The following MYRIP variants were observed in gnomAD, a reference collection of about 807,000 sequenced individuals.
MYRIP encodes myosin VIIA and Rab interacting protein.
Under a neutral mutation model 98.0 loss-of-function variants are expected in MYRIP, and 49 were observed. The observed-to-expected ratio is 0.50, with a 90% confidence interval of 0.40 to 0.63. MYRIP has a LOEUF of 0.63. MYRIP is among the 30% of genes least tolerant of loss of function. MYRIP has a pLI of 0.00. For synonymous variants in MYRIP, 404 were observed against 409.5 expected, an observed-to-expected ratio of 0.99 and a Z score of 0.16; for missense variants, 1,004 against 1,058.2, an observed-to-expected ratio of 0.95 and a Z score of 0.71.
At chr3:39,954,956 A>G (rs182556074) in intron 2 of MYRIP, among the ~76,000 whole-genome samples, 106 of 152,278 alleles carry the variant, frequency 7.0e-4, no homozygotes, top group Admixed American at 1.4e-3. Context: ...AAGTGAAGCA[A>G]GAAGAGAAGT....
chr3:39,959,604 A>G (rs1945268805), intron 2 of MYRIP, among the ~76,000 whole-genome samples: 1 of 151,982 alleles, frequency 6.6e-6, no homozygotes, highest in Non-Finnish European at 1.5e-5. Flanking sequence ...GCACACCAGC[A>G]TGGCACATGT....
At chr3:40,056,480 A>G (rs9870930) in intron 3 of MYRIP, among the ~76,000 whole-genome samples, 44,040 of 151,784 alleles carry the variant, frequency 0.29, 6,399 homozygotes, top group East Asian at 0.36. Context: ...CAGTTTCTCG[A>G]GGCTTATGGT....
intron 3 of MYRIP, chr3:40,071,300 T>C (rs1361282854): frequency 1.6e-6 from 1 of 616,780 alleles, no homozygotes; most frequent in African/African-American, 2.0e-5. Flanking sequence ...ATTCAGACAA[T>C]TATATGGGGT....
chr3:40,028,117 C>T (rs1947176522), intron 2 of MYRIP, among the ~76,000 whole-genome samples: 1 of 152,088 alleles, frequency 6.6e-6, no homozygotes, highest in African/African-American at 2.4e-5. Flanking sequence ...ATCATGACAC[C>T]CAACTCCATT....
intron 3 of MYRIP, among the ~76,000 whole-genome samples, chr3:40,077,105 G>T (rs943737394): frequency 2.0e-5 from 3 of 152,020 alleles, no homozygotes; most frequent in Admixed American, 2.0e-4. Flanking sequence ...GGGTGTGTTC[G>T]GAGTTTCTTT....
intron 1 of MYRIP, among the ~76,000 whole-genome samples, chr3:39,827,167 C>T (rs535714341): frequency 7.2e-5 from 11 of 152,222 alleles, no homozygotes; most frequent in East Asian, 1.9e-4. Context: ...GGCTGGAGTG[C>T]GGTGGCATGA....
chr3:39,932,543 G>T (rs1944564920), intron 2 of MYRIP, among the ~76,000 whole-genome samples: 1 of 151,854 alleles, frequency 6.6e-6, no homozygotes, highest in African/African-American at 2.4e-5. Flanking sequence ...TCGGTTTTTT[G>T]GGGGTTTTTT....
At chr3:39,843,792 T>C (rs1231607352) in intron 1 of MYRIP, among the ~76,000 whole-genome samples, 1 of 152,168 alleles carries the variant, frequency 6.6e-6, no homozygotes, top group East Asian at 1.9e-4. Flanking sequence ...TCTGCCACCA[T>C]GTGATTGACT....
chr3:40,089,467 T>G (rs1239519606), intron 3 of MYRIP, among the ~76,000 whole-genome samples: 1 of 152,188 alleles, frequency 6.6e-6, no homozygotes, highest in African/African-American at 2.4e-5. Context: ...TCTTTAAGCT[T>G]GGCGGCTTTC....
At chr3:40,123,818 T>G (rs772971819) in intron 3 of MYRIP, among the ~76,000 whole-genome samples, 1 of 152,172 alleles carries the variant, frequency 6.6e-6, no homozygotes, top group African/African-American at 2.4e-5. Context: ...TTGAATGGCA[T>G]CCTGTTTCTA....
At chr3:40,020,731 C>T (rs188220675) in intron 2 of MYRIP, among the ~76,000 whole-genome samples, 16 of 152,332 alleles carry the variant, frequency 1.1e-4, no homozygotes, top group Admixed American at 8.5e-4. Flanking sequence ...CATATAATCA[C>T]TTTTCTTGGC....
At chr3:40,081,663 C>T (rs1335855844) in intron 3 of MYRIP, among the ~76,000 whole-genome samples, 2 of 152,156 alleles carry the variant, frequency 1.3e-5, no homozygotes, top group Non-Finnish European at 2.9e-5. Context: ...TATTCATTAC[C>T]TCACATACCA....
intron 3 of MYRIP, among the ~76,000 whole-genome samples, chr3:40,096,886 T>G (rs1485101418): frequency 6.6e-6 from 1 of 152,226 alleles, no homozygotes; most frequent in Admixed American, 6.5e-5. Flanking sequence ...AAGCTTGTGC[T>G]GCTTGGCAAA....
chr3:40,078,080 G>T (rs533479335), intron 3 of MYRIP, among the ~76,000 whole-genome samples: 1 of 152,374 alleles, frequency 6.6e-6, no homozygotes, highest in African/African-American at 2.4e-5. Flanking sequence ...CCGCGGGAAG[G>T]CAGCTAAGGC....
intron 16 of MYRIP, among the ~76,000 whole-genome samples, chr3:40,255,130 G>T (rs1953532342): frequency 6.6e-6 from 1 of 152,142 alleles, no homozygotes; most frequent in African/African-American, 2.4e-5. Flanking sequence ...CCTTGCTTCT[G>T]ACCATTAGTT....
intron 1 of MYRIP, among the ~76,000 whole-genome samples, chr3:39,881,592 C>T (rs1025788499): frequency 6.6e-6 from 1 of 152,134 alleles, no homozygotes; most frequent in African/African-American, 2.4e-5. Flanking sequence ...AATGAATCTT[C>T]CTATTTTTAG....
chr3:40,234,434 G>A (rs112642245), intron 12 of MYRIP, among the ~76,000 whole-genome samples: 14 of 152,312 alleles, frequency 9.2e-5, no homozygotes, highest in African/African-American at 2.4e-4. Context: ...GAACTGGCCC[G>A]TCCTACAACC....
intron 8 of MYRIP, among the ~76,000 whole-genome samples, chr3:40,174,886 G>C (rs149990673): frequency 6.6e-6 from 1 of 152,332 alleles, no homozygotes; most frequent in Non-Finnish European, 1.5e-5. Context: ...GCTCACGCCT[G>C]TAATCCCAGT....
chr3:39,895,280 G>A lies in MYRIP; in HGVS notation c.-30-5507G>A, dbSNP rs370034134. ...CGGCTTACTGCAACCTTCGCCTCCC[G>A]GGTTCGAGCGATTCTCCTGCCTAAG... On this transcript the variant is annotated intron_variant, in intron 1 of 16. Transcript: ENST00000302541. Among the ~76,000 whole-genome samples the A allele has an allele frequency of 1.7e-4, 26 of 151,668 alleles. 1 individual carries two copies. In the Middle Eastern group the frequency reaches 0.017, roughly 99 times the overall value.
Sources: allele counts gnomAD v4.1 joint callset (sites outside exome capture counted in the v4.1 genomes callset), GRCh38; gene constraint gnomAD v4.1.1; transcripts MANE v1.5; gene names NCBI Gene and HGNC (gene_info 2026-07-23, HGNC 2026-07-21).